The following PALM2AKAP2 variants were observed in gnomAD, a reference collection of about 807,000 sequenced individuals.
PALM2AKAP2 encodes PALM2-AKAP2 fusion protein.
A neutral mutation model predicts 71.5 loss-of-function variants in PALM2AKAP2; 37 were observed. The ratio of observed to expected loss-of-function variants is 0.52; its 90% CI spans 0.40 to 0.68. The LOEUF (loss-of-function observed/expected upper bound fraction) is 0.68, where lower values mean the gene tolerates loss of function less well. Among genes scored for constraint, PALM2AKAP2 ranks in the 30% least tolerant of loss-of-function variants. The pLI, the probability that PALM2AKAP2 is intolerant of heterozygous loss-of-function variation, is 0.00. For missense variants in PALM2AKAP2, 1,224 were observed against 1,191.8 expected (o/e 1.03, Z -0.40); for synonymous variants, 468 against 478.8 (o/e 0.98, Z 0.29).
intron 1 of PALM2AKAP2, among the ~76,000 whole-genome samples, chr9:109,666,699 A>G (rs1827490640): frequency 6.6e-6 from 1 of 152,132 alleles, no homozygotes; most frequent in Non-Finnish European, 1.5e-5. Flanking sequence ...TGGGTCTGGC[A>G]CCCTTGTTAG....
intron 3 of PALM2AKAP2, among the ~76,000 whole-genome samples, chr9:110,161,535 C>T (rs1224808607): frequency 1.3e-5 from 2 of 152,222 alleles, no homozygotes; most frequent in Non-Finnish European, 2.9e-5. Flanking sequence ...CTCTCAGGAA[C>T]TTACCCAGGC....
intron 1 of PALM2AKAP2, among the ~76,000 whole-genome samples, chr9:109,856,919 G>A (rs1332674917): frequency 6.6e-6 from 1 of 152,138 alleles, no homozygotes; most frequent in Non-Finnish European, 1.5e-5. Flanking sequence ...CTATTTTTGT[G>A]CACACTATCT....
At chr9:109,839,317 C>T (rs1227766305) in intron 1 of PALM2AKAP2, among the ~76,000 whole-genome samples, 1 of 152,180 alleles carries the variant, frequency 6.6e-6, no homozygotes, top group Non-Finnish European at 1.5e-5. Context: ...CAGAAAAGGC[C>T]TTTGACAAAA....
At chr9:109,874,557 C>T (rs1829677101) in intron 2 of PALM2AKAP2, among the ~76,000 whole-genome samples, 1 of 152,148 alleles carries the variant, frequency 6.6e-6, no homozygotes, top group African/African-American at 2.4e-5. Context: ...CATCATCACC[C>T]AGTACTATGG....
chr9:109,846,506 A>G (rs1157230431), intron 1 of PALM2AKAP2, among the ~76,000 whole-genome samples: 1 of 152,340 alleles, frequency 6.6e-6, no homozygotes, highest in Non-Finnish European at 1.5e-5. Flanking sequence ...CGGAGAAGGC[A>G]CCAGGCCTAC....
chr9:110,036,943 G>A (rs770196179), intron 7 of PALM2AKAP2, among the ~76,000 whole-genome samples: 1 of 151,994 alleles, frequency 6.6e-6, no homozygotes, highest in African/African-American at 2.4e-5. Flanking sequence ...ACATAAAATA[G>A]TACTCACCTC....
chr9:109,875,164 A>G (rs1475641469), intron 2 of PALM2AKAP2, among the ~76,000 whole-genome samples: 1 of 152,078 alleles, frequency 6.6e-6, no homozygotes, highest in Non-Finnish European at 1.5e-5. Flanking sequence ...TCCGGTCCAC[A>G]AACACACCAA....
chr9:109,816,139 G>A (rs1438035800), intron 1 of PALM2AKAP2, among the ~76,000 whole-genome samples: 1 of 152,182 alleles, frequency 6.6e-6, no homozygotes, highest in African/African-American at 2.4e-5. Context: ...AGATAAGGTT[G>A]GAGACCACAG....
intron 6 of PALM2AKAP2, among the ~76,000 whole-genome samples, chr9:109,942,226 TG>T (rs1159831106): frequency 3.3e-5 from 5 of 152,356 alleles, no homozygotes; most frequent in African/African-American, 1.2e-4. Context: ...TGAAAACCTT[TG>T]TGGAAATGTA....
In PALM2AKAP2 at chr9:110,098,167, G is replaced by C. The variant is rs142259136; in HGVS notation, c.157-37960G>C. 3.1e-4 allele frequency among the ~76,000 whole-genome samples: 47 copies of C among 151,530 alleles called. No individual in the cohort carries two copies. In the East Asian group the frequency reaches 5.2e-3, roughly 17 times the overall value. On this transcript the variant is annotated intron_variant, in intron 1 of 3. Transcript: ENST00000374525. Reference sequence around the variant, plus strand: ...GAGACAGTGGAAAGAGGGGAGAGGGGAGAGGGGAGAGGGAATCACAGAATT... The same window carrying C: ...GAGACAGTGGAAAGAGGGGAGAGGGCAGAGGGGAGAGGGAATCACAGAATT...
intron 1 of PALM2AKAP2, among the ~76,000 whole-genome samples, chr9:109,680,368 C>G (rs904360195): frequency 1.4e-4 from 22 of 152,200 alleles, no homozygotes; most frequent in African/African-American, 5.1e-4. Context: ...CTCACCTGCT[C>G]CCAACACATG....
At chr9:109,649,034 C>T (rs1432394943) in intron 1 of PALM2AKAP2, among the ~76,000 whole-genome samples, 1 of 152,042 alleles carries the variant, frequency 6.6e-6, no homozygotes, top group Non-Finnish European at 1.5e-5. Context: ...GGCTTGCCTA[C>T]TCCCATCCCT....
intron 1 of PALM2AKAP2, among the ~76,000 whole-genome samples, chr9:109,660,489 T>C (rs1827376061): frequency 6.6e-6 from 1 of 152,176 alleles, no homozygotes; most frequent in South Asian, 2.1e-4. Context: ...GAATGATGCT[T>C]TCCAGCTTCA....
intron 3 of PALM2AKAP2, among the ~76,000 whole-genome samples, chr9:109,897,740 G>A (rs931659367): frequency 7.2e-5 from 11 of 152,210 alleles, no homozygotes; most frequent in Non-Finnish European, 7.4e-5. Context: ...ATTATGCTCC[G>A]AATCATATTC....
upstream of PALM2AKAP2, among the ~76,000 whole-genome samples, chr9:110,046,043 A>G (rs1452084467): frequency 1.3e-5 from 2 of 152,210 alleles, no homozygotes; most frequent in African/African-American, 4.8e-5. Flanking sequence ...ACAATAAGAA[A>G]TGTCTCTAGA....
chr9:110,048,894 C>T (rs1279899956), intron 1 of PALM2AKAP2: 1 of 1,485,786 alleles, frequency 6.7e-7, no homozygotes, highest in Non-Finnish European at 8.9e-7. Context: ...GCTGGAGTGT[C>T]CTCGAGTGTG....
intron 1 of PALM2AKAP2, among the ~76,000 whole-genome samples, chr9:110,093,475 AC>A (rs2118809333): frequency 6.6e-6 from 1 of 152,320 alleles, no homozygotes; most frequent in South Asian, 2.1e-4. Context: ...TTGGCAATTG[AC>A]CAAAAATTTA....
chr9:110,060,036 T>C (rs1833928105), intron 1 of PALM2AKAP2, among the ~76,000 whole-genome samples: 1 of 152,186 alleles, frequency 6.6e-6, no homozygotes, highest in African/African-American at 2.4e-5. Context: ...TGCAAGATGG[T>C]CTACTAGGCT....
At chr9:109,907,177 C>T (rs913885203) in intron 3 of PALM2AKAP2, among the ~76,000 whole-genome samples, 2 of 152,206 alleles carry the variant, frequency 1.3e-5, no homozygotes, top group Admixed American at 6.5e-5. Context: ...CTTTGCATTC[C>T]TGCAGCATTT....
Sources: allele counts gnomAD v4.1 joint callset (sites outside exome capture counted in the v4.1 genomes callset), GRCh38; gene constraint gnomAD v4.1.1; transcripts MANE v1.5; gene names NCBI Gene and HGNC (gene_info 2026-07-23, HGNC 2026-07-21).